IGSF23: variants seen among roughly 807,000 people sequenced by gnomAD.
The protein encoded by IGSF23 is immunoglobulin superfamily member 23.
In IGSF23, 14 loss-of-function variants were observed where a neutral mutation model predicts 17.8. That is an observed-to-expected ratio of 0.79 (90% CI 0.52 to 1.23). The LOEUF is 1.23. Among genes scored for constraint, IGSF23 ranks in the 50% most tolerant of loss-of-function variants. The probability of loss-of-function intolerance (pLI) is 0.00; values close to 1 mark genes in which losing one functional copy is unlikely to be tolerated. For missense variants in IGSF23, 214 were observed against 241.7 expected, an observed-to-expected ratio of 0.89 and a Z score of 0.76; for synonymous variants, 85 against 92.5, an observed-to-expected ratio of 0.92 and a Z score of 0.46.
Position 44,623,839 on chromosome 19 carries a change from T to G in IGSF23, c.258T>G (p.Ser86Arg), listed in dbSNP as rs1405844709. 1 of 1,550,904 alleles carries G rather than the reference T, an allele frequency of 6.4e-7. No individual in the cohort carries two copies. The highest frequency in any genetic ancestry group is 1.2e-5 in the South Asian group (1 of 84,066). ...DPEPVLSWTF[S>R]GVPCGMGEKL... is the part of the protein sequence containing the mutation. The stretch of plus-strand genomic sequence containing the variant: ...AGCCTGTGCTGAGCTGGACCTTCAG[T>G]GGGGTGCCCTGTGGGATGGGAGAGA... The change falls in exon 2 of 5, where the codon AGT (serine) becomes AGG (arginine). Residue 86 changes from serine to arginine, a missense_variant. Physicochemically the swap from Ser to Arg is moderately radical, Grantham distance 110. Coordinates refer to ENST00000402988, the MANE Select transcript of IGSF23 (RefSeq NM_001205280.2).
At chr19:44,622,055 C>T (rs1354461381) in intron 1 of IGSF23, among the ~76,000 whole-genome samples, 1 of 152,044 alleles carries the variant, frequency 6.6e-6, no homozygotes, top group East Asian at 1.9e-4. Context: ...AACCCCATCT[C>T]CACTAAAAAT....
At chr19:44,635,347 A>ATT in intron 3 of IGSF23, 54 bp from the exon 4 acceptor site, 1 of 1,214,248 alleles carries the variant, frequency 8.2e-7, no homozygotes, top group Non-Finnish European at 1.2e-6. Context: ...GATGATTCTT[A>ATT]TTCTCTCTCT....
At chr19:44,620,236 A>G (rs993621896) in intron 1 of IGSF23, among the ~76,000 whole-genome samples, 4 of 152,008 alleles carry the variant, frequency 2.6e-5, no homozygotes, top group African/African-American at 9.7e-5. Flanking sequence ...GCCACTGCAC[A>G]CTTAGAACCC....
At chr19:44,633,193 C>G (rs1972807279) in intron 3 of IGSF23, among the ~76,000 whole-genome samples, 1 of 152,230 alleles carries the variant, frequency 6.6e-6, no homozygotes, top group Non-Finnish European at 1.5e-5. Context: ...TCTTTTAAAT[C>G]TATGACTATT....
intron 1 of IGSF23, among the ~76,000 whole-genome samples, chr19:44,614,959 G>A (rs1972336312): frequency 6.6e-6 from 1 of 152,114 alleles, no homozygotes. Context: ...CTGCCTCTCA[G>A]ATAGTGAATG....
chr19:44,635,344 CTTA>C, intron 3 of IGSF23, 54 bp from the exon 4 acceptor site: 7 of 1,324,890 alleles, frequency 5.3e-6, no homozygotes, highest in South Asian at 1.3e-5. Flanking sequence ...GTCGATGATT[CTTA>C]TTCTCTCTCT....
At chr19:44,631,695 T>A (rs1972770251) in intron 3 of IGSF23, among the ~76,000 whole-genome samples, 1 of 152,258 alleles carries the variant, frequency 6.6e-6, no homozygotes, top group South Asian at 2.1e-4. Context: ...TAACTAAAAG[T>A]ATCCCTTATG....
At chr19:44,624,082 G>T (rs551193574) in intron 2 of IGSF23, 110 bp downstream of exon 2, 1 of 942,378 alleles carries the variant, frequency 1.1e-6, no homozygotes, top group South Asian at 1.7e-5. Context: ...GCAGTCCCCT[G>T]TGAGACCCTT....
chr19:44,614,712 G>A (rs111255257), intron 1 of IGSF23, among the ~76,000 whole-genome samples: 19 of 152,188 alleles, frequency 1.2e-4, no homozygotes, highest in Admixed American at 6.5e-4. Flanking sequence ...GATTACAGGC[G>A]TGAGCCACTG....
intron 2 of IGSF23, among the ~76,000 whole-genome samples, chr19:44,624,912 A>C (rs1018840768): frequency 2.6e-5 from 4 of 151,680 alleles, no homozygotes; most frequent in Admixed American, 6.6e-5. Context: ...AAAAAAAAAA[A>C]AAAAAAAAAA....
At chr19:44,629,873 C>G (rs888399008) in intron 3 of IGSF23, among the ~76,000 whole-genome samples, 2 of 152,026 alleles carry the variant, frequency 1.3e-5, no homozygotes, top group Non-Finnish European at 2.9e-5. Flanking sequence ...ACCTCATGAT[C>G]TGCCTGCCTT....
At chr19:44,634,511 C>T (rs962898558) in intron 3 of IGSF23, among the ~76,000 whole-genome samples, 17 of 152,186 alleles carry the variant, frequency 1.1e-4, no homozygotes, top group Non-Finnish European at 1.9e-4. Context: ...GCCTCTAAAT[C>T]ACCTTCTCTT....
At chr19:44,614,004 C>T (rs1260171343) in intron 1 of IGSF23, 4 of 1,508,520 alleles carry the variant, frequency 2.7e-6, no homozygotes, top group Non-Finnish European at 1.8e-6. Context: ...GCGTTGGAGA[C>T]AGCGGCTTCA....
chr19:44,636,106 G>C (rs1012145309), intron 4 of IGSF23, among the ~76,000 whole-genome samples: 2 of 152,166 alleles, frequency 1.3e-5, no homozygotes, highest in Non-Finnish European at 2.9e-5. Context: ...AGGATTCCAA[G>C]AGTAACAGCA....
At chr19:44,616,839 ATATATATGAG>A (rs1285493895) in intron 1 of IGSF23, among the ~76,000 whole-genome samples, 2 of 151,412 alleles carry the variant, frequency 1.3e-5, no homozygotes, top group South Asian at 2.1e-4. Context: ...AAATAAATAT[ATATATATGAG>A]TATATATGAG....
chr19:44,625,904 T>G (rs1972636139), intron 2 of IGSF23, among the ~76,000 whole-genome samples: 1 of 152,176 alleles, frequency 6.6e-6, no homozygotes, highest in South Asian at 2.1e-4. Flanking sequence ...CCTGCACACA[T>G]TCTCTTGCCT....
intron 3 of IGSF23, among the ~76,000 whole-genome samples, chr19:44,634,071 G>A (rs366992): frequency 6.6e-5 from 10 of 151,690 alleles, no homozygotes; most frequent in Non-Finnish European, 8.8e-5. Flanking sequence ...GACCTTTTAC[G>A]GGGGTTCCCC....
In IGSF23 at chr19:44,627,310, A is replaced by G. The variant is rs571122087; in HGVS notation, c.392-110A>G. On this transcript the variant is annotated intron_variant, in intron 2 of 4. Coordinates refer to ENST00000402988, the MANE Select transcript of IGSF23 (RefSeq NM_001205280.2). ...GGGGGCCAGAGACCTGGAGGATGGA[A>G]GAGAAGGATGGATTGAAGAGACACT... 5.9e-5 allele frequency: 67 copies of G among 1,138,914 alleles called. 1 individual carries two copies. The South Asian group carries it at 1.1e-3, about 19-fold the overall frequency. The allele number at this position is 1,138,914 out of a possible 1,614,324, so 70.6% of individuals were successfully genotyped here.
intron 3 of IGSF23, 26 bp from the exon 4 acceptor site, chr19:44,635,375 T>TA (rs2123730833): frequency 6.9e-7 from 1 of 1,453,106 alleles, no homozygotes; most frequent in Admixed American, 2.1e-5. Context: ...TCTCTCTCTC[T>TA]GTCTCTCTCT....
Sources: allele counts gnomAD v4.1 joint callset (sites outside exome capture counted in the v4.1 genomes callset), GRCh38; gene constraint gnomAD v4.1.1; transcripts MANE v1.5; gene names NCBI Gene and HGNC (gene_info 2026-07-23, HGNC 2026-07-21).